THSD7B: variants seen among roughly 807,000 people sequenced by gnomAD.
THSD7B encodes thrombospondin type-1 domain-containing protein 7B.
In THSD7B, 138 loss-of-function variants were observed where a neutral mutation model predicts 213.6. The observed-to-expected ratio is 0.65, with a 90% CI of 0.56 to 0.74. The LOEUF (loss-of-function observed/expected upper bound fraction) is 0.74, where lower values mean the gene tolerates loss of function less well. Ranked by LOEUF, THSD7B falls within the 30% of genes least tolerant of loss-of-function variation. THSD7B has a pLI of 0.00. For synonymous variants in THSD7B, 742 were observed against 687.0 expected (o/e 1.08, Z -1.25); for missense variants, 1,931 against 1,991.5 (o/e 0.97, Z 0.58).
At chr2:137,483,691 G>A (rs1428481268) in intron 15 of THSD7B, among the ~76,000 whole-genome samples, 1 of 152,198 alleles carries the variant, frequency 6.6e-6, no homozygotes, top group Non-Finnish European at 1.5e-5. Flanking sequence ...CAGTGGAGCT[G>A]AGCCTGTAGG....
intron 14 of THSD7B, among the ~76,000 whole-genome samples, chr2:137,427,709 C>T (rs983457188): frequency 6.6e-6 from 1 of 151,998 alleles, no homozygotes; most frequent in African/African-American, 2.4e-5. Context: ...CTGATCAAAG[C>T]GTACAAACTT....
At chr2:137,563,172 A>G (rs202211906) in intron 15 of THSD7B, 49 bp from the exon 16 acceptor site, 438 of 1,584,206 alleles carry the variant, frequency 2.8e-4, no homozygotes, top group Non-Finnish European at 3.5e-4. Context: ...CTATTTTTCT[A>G]TAAGTTGGAT....
intron 2 of THSD7B, among the ~76,000 whole-genome samples, chr2:136,975,645 C>A (rs1004562954): frequency 6.6e-6 from 1 of 152,020 alleles, no homozygotes; most frequent in African/African-American, 2.4e-5. Flanking sequence ...GTTCTTTTTT[C>A]TTAAGGTTGT....
chr2:137,643,843 C>T (rs1682981990), intron 21 of THSD7B, among the ~76,000 whole-genome samples: 2 of 152,222 alleles, frequency 1.3e-5, no homozygotes, highest in Admixed American at 1.3e-4. Context: ...GTCCACACTC[C>T]AAGTTTTACC....
Position 137,412,609 on chromosome 2 carries a change from A to C in THSD7B, c.2959+737A>C, listed in dbSNP as rs1225964720. Among the ~76,000 whole-genome samples, 15 of 142,288 alleles carry C rather than the reference A, an allele frequency of 1.1e-4. 1 individual carries two copies. The highest frequency in any genetic ancestry group is 1.5e-4 in the Non-Finnish European group (10 of 65,968). The allele number at this position is 142,288 out of a possible 152,430, so 93.3% of individuals were successfully genotyped here. A position where few individuals can be genotyped will look rare whatever the true frequency, so the allele number is the denominator to read the frequency against. On this transcript the variant is annotated intron_variant, in intron 14 of 27. Transcript: ENST00000409968. ...CAAAACTCTGTCTCAAAAAAAAAAAAACAAAAAAAAACAAAAAACAGTTTT... is the reference window on the plus strand; with the variant it reads ...CAAAACTCTGTCTCAAAAAAAAAAACACAAAAAAAAACAAAAAACAGTTTT...
At chr2:137,406,031 G>A (rs530388954) in intron 13 of THSD7B, among the ~76,000 whole-genome samples, 1 of 152,266 alleles carries the variant, frequency 6.6e-6, no homozygotes, top group South Asian at 2.1e-4. Context: ...TAGCTATCAA[G>A]TTCCTCTCTA....
In THSD7B at chr2:137,056,509, C is replaced by T; in HGVS notation, c.229C>T (p.His77Tyr). ...TTTTCATGTTGACGGGTGGACAAGT[C>T]ACCTGTCTAACTGTGGTGAGAGCAA... ...WCFHVDGWTS[H>Y]LSNCGESNRP... Residue 77 changes from histidine (H) to tyrosine (Y), a missense_variant, in exon 3 of 28, where the codon CAC (histidine) becomes TAC (tyrosine). By Grantham distance (83) the His-to-Tyr change is moderately conservative. Transcript: ENST00000409968. 6.2e-7 allele frequency: 1 copy of T among 1,613,936 alleles called. No homozygotes were observed. Among genetic ancestry groups the T allele is most frequent in the Non-Finnish European group, 8.5e-7 (1 of 1,179,878 alleles).
At chr2:137,322,835 A>G (rs904623415) in intron 12 of THSD7B, among the ~76,000 whole-genome samples, 1 of 152,156 alleles carries the variant, frequency 6.6e-6, no homozygotes, top group South Asian at 2.1e-4. Flanking sequence ...ATAGAGCCTC[A>G]CCTTGTTTCC....
chr2:137,219,393 T>G (rs996509899), intron 7 of THSD7B, among the ~76,000 whole-genome samples: 1 of 152,096 alleles, frequency 6.6e-6, no homozygotes, highest in African/African-American at 2.4e-5. Context: ...TTTCATAAAT[T>G]CCAAAATGTA....
intron 16 of THSD7B, 86 bp downstream of exon 16, chr2:137,563,440 T>A: frequency 1.3e-6 from 2 of 1,499,022 alleles, no homozygotes; most frequent in South Asian, 1.3e-5. Context: ...TTTATCCAAG[T>A]ACACTCTGAT....
intron 3 of THSD7B, among the ~76,000 whole-genome samples, chr2:137,077,214 C>G (rs1299066636): frequency 6.6e-6 from 1 of 152,022 alleles, no homozygotes; most frequent in Non-Finnish European, 1.5e-5. Flanking sequence ...TTTTCTTAAT[C>G]CAGTCTATCA....
chr2:137,392,466 C>T (rs913916408), intron 12 of THSD7B, among the ~76,000 whole-genome samples: 2 of 151,920 alleles, frequency 1.3e-5, no homozygotes, highest in African/African-American at 4.8e-5. Context: ...TGGTTATATC[C>T]TCTTACTGAA....
At chr2:136,829,244 G>A (rs911240599) in intron 1 of THSD7B, among the ~76,000 whole-genome samples, 1 of 151,288 alleles carries the variant, frequency 6.6e-6, no homozygotes, top group African/African-American at 2.4e-5. Context: ...TTTGAACCAC[G>A]ACTTGAAGAT....
chr2:137,285,901 C>T (rs1396648997), intron 12 of THSD7B, among the ~76,000 whole-genome samples: 2 of 151,818 alleles, frequency 1.3e-5, no homozygotes, highest in East Asian at 1.9e-4. Context: ...GTCAGGAGTT[C>T]GAGACCAGCC....
chr2:136,882,012 A>T, intron 1 of THSD7B, 132 bp from the exon 2 acceptor site: 1 of 504,322 alleles, frequency 2.0e-6, no homozygotes. Context: ...CACAGGGTTG[A>T]TATTATATGT....
At chr2:137,656,265 CAT>C (rs1395096244) in intron 22 of THSD7B, among the ~76,000 whole-genome samples, 13 of 151,548 alleles carry the variant, frequency 8.6e-5, no homozygotes, top group African/African-American at 3.2e-4. Flanking sequence ...TGTATACACA[CAT>C]ATGTATTACA....
At chr2:137,290,045 C>T (rs1209968505) in intron 12 of THSD7B, among the ~76,000 whole-genome samples, 2 of 151,816 alleles carry the variant, frequency 1.3e-5, no homozygotes, top group Non-Finnish European at 2.9e-5. Context: ...AACCTCTCTC[C>T]CGGTAGTTAC....
intron 2 of THSD7B, among the ~76,000 whole-genome samples, chr2:137,029,145 C>T (rs1035178195): frequency 7.7e-6 from 1 of 129,746 alleles, no homozygotes; most frequent in Non-Finnish European, 1.5e-5. Context: ...GTGGCATGAT[C>T]TCGGCTCACT....
At chr2:137,354,817 G>A (rs1389879155) in intron 12 of THSD7B, among the ~76,000 whole-genome samples, 1 of 151,404 alleles carries the variant, frequency 6.6e-6, no homozygotes, top group African/African-American at 2.4e-5. Context: ...TTCCCTCTGG[G>A]TATCTGAGCA....
Sources: allele counts gnomAD v4.1 joint callset (sites outside exome capture counted in the v4.1 genomes callset), GRCh38; gene constraint gnomAD v4.1.1; transcripts MANE v1.5; gene names NCBI Gene and HGNC (gene_info 2026-07-23, HGNC 2026-07-21).